Variants in LRBA observed in about 807,000 individuals in gnomAD.
LRBA encodes lipopolysaccharide-responsive and beige-like anchor protein.
A neutral mutation model predicts 330.0 loss-of-function variants in LRBA; 176 were observed. That is an observed-to-expected ratio of 0.53 (90% CI 0.47 to 0.60). The LOEUF is 0.60. Ranked by LOEUF, LRBA falls within the 20% of genes least tolerant of loss-of-function variation. The pLI is 0.00. For synonymous variants in LRBA, 1,230 were observed against 1,193.0 expected (o/e 1.03, Z -0.64); for missense variants, 3,259 against 3,444.8 (o/e 0.95, Z 1.35).
intron 2 of LRBA, among the ~76,000 whole-genome samples, chr4:150,942,671 A>G (rs967347320): frequency 2.0e-5 from 3 of 152,174 alleles, no homozygotes; most frequent in Non-Finnish European, 4.4e-5. Flanking sequence ...TCACAATCAT[A>G]TAAGATTTCC....
intron 17 of LRBA, among the ~76,000 whole-genome samples, chr4:150,886,856 T>C (rs906221818): frequency 3.9e-5 from 6 of 152,144 alleles, no homozygotes; most frequent in Non-Finnish European, 8.8e-5. Flanking sequence ...CTGTTTCTCA[T>C]AGGAAAACAC....
At chr4:150,916,341 A>G in intron 7 of LRBA, 60 bp downstream of exon 7, 1 of 1,539,016 alleles carries the variant, frequency 6.5e-7, no homozygotes, top group South Asian at 1.2e-5. Context: ...CATTAAAACA[A>G]AGCATTTTGA....
chr4:151,002,552 T>A, intron 2 of LRBA, among the ~76,000 whole-genome samples: 11 of 107,432 alleles, frequency 1.0e-4, no homozygotes, highest in East Asian at 2.7e-4. Context: ...GCAACAAGAG[T>A]GAAACTCCAT....
chr4:150,400,528 A>T (rs1410263347), intron 47 of LRBA, among the ~76,000 whole-genome samples: 1 of 152,194 alleles, frequency 6.6e-6, no homozygotes, highest in East Asian at 1.9e-4. Context: ...TAAAAATGAA[A>T]ACAAGAGGAT....
At chr4:150,388,756 T>C (rs1248235248) in intron 47 of LRBA, among the ~76,000 whole-genome samples, 1 of 152,176 alleles carries the variant, frequency 6.6e-6, no homozygotes, top group Non-Finnish European at 1.5e-5. Flanking sequence ...GGCAGGGACT[T>C]TATCATCAAC....
At chr4:150,620,223 A>G (rs887351076) in intron 37 of LRBA, among the ~76,000 whole-genome samples, 1 of 152,174 alleles carries the variant, frequency 6.6e-6, no homozygotes, top group Admixed American at 6.5e-5. Context: ...ATCACTAATC[A>G]TCACAGAAAT....
intron 2 of LRBA, among the ~76,000 whole-genome samples, chr4:150,946,833 G>A (rs933096011): frequency 4.6e-5 from 7 of 151,410 alleles, no homozygotes; most frequent in African/African-American, 9.7e-5. Context: ...ACAAACCTTG[G>A]CAGGACTTAA....
At chr4:150,354,228 A>G (rs1365459745) in intron 47 of LRBA, among the ~76,000 whole-genome samples, 1 of 152,158 alleles carries the variant, frequency 6.6e-6, no homozygotes, top group African/African-American at 2.4e-5. Context: ...TTTTTTATAT[A>G]TTAAGATTTT....
intron 35 of LRBA, among the ~76,000 whole-genome samples, chr4:150,743,023 A>C (rs190788944): frequency 6.6e-6 from 1 of 152,322 alleles, no homozygotes; most frequent in African/African-American, 2.4e-5. Flanking sequence ...GCTAGAGTAC[A>C]GTGACAGGAT....
At chr4:150,533,893 C>A (rs780494204) in intron 40 of LRBA, among the ~76,000 whole-genome samples, 3 of 152,204 alleles carry the variant, frequency 2.0e-5, no homozygotes, top group Admixed American at 6.5e-5. Flanking sequence ...CCACCACCTT[C>A]TGTTTTATGG....
intron 2 of LRBA, among the ~76,000 whole-genome samples, chr4:150,982,969 T>C (rs942562815): frequency 1.3e-5 from 2 of 152,134 alleles, no homozygotes; most frequent in African/African-American, 4.8e-5. Flanking sequence ...AGTCTGATGA[T>C]TTTTCCACTT....
chr4:150,342,856 T>C (rs1735770968), intron 48 of LRBA, among the ~76,000 whole-genome samples: 2 of 152,146 alleles, frequency 1.3e-5, no homozygotes, highest in South Asian at 4.1e-4. Flanking sequence ...AGTAAAAGTA[T>C]AGCTACTGAA....
rs1321472278 is a variant in LRBA, at chr4:151,008,338, C to G, written c.216+6089G>C. On this transcript the variant is annotated intron_variant, in intron 2 of 56. Transcript: ENST00000651943. ...TCAGGTGATCCACCTGCCTCAGCCT[C>G]TCAAAGTGCTGTGATTACAGGCATG... Among the ~76,000 whole-genome samples, 10 of 152,222 alleles carry G rather than the reference C, an allele frequency of 6.6e-5. No individual in the cohort carries two copies. The East Asian group carries it at 1.8e-3, about 27-fold the overall frequency.
At position 150,855,858 on chromosome 4, in the gene LRBA, T is replaced by C. The variant is rs779094834; in HGVS notation, c.2767-2915A>G. Reference sequence around the variant, plus strand: ...TAGCCAATTGTATTTTAAAGAGCAATACTGCCACACCTGAGCTCCCAAGAA... The same window carrying C: ...TAGCCAATTGTATTTTAAAGAGCAACACTGCCACACCTGAGCTCCCAAGAA... On this transcript the variant is annotated intron_variant, in intron 22 of 56. Coordinates refer to ENST00000651943, the MANE Select transcript of LRBA (RefSeq NM_001364905.1). 9.2e-5 allele frequency among the ~76,000 whole-genome samples: 14 copies of C among 152,278 alleles called. No homozygotes were observed. In the South Asian group the frequency reaches 2.3e-3, roughly 25 times the overall value.
At chr4:150,605,912 T>C (rs1402764626) in intron 37 of LRBA, among the ~76,000 whole-genome samples, 1 of 152,140 alleles carries the variant, frequency 6.6e-6, no homozygotes, top group African/African-American at 2.4e-5. Context: ...AACCCTTCAA[T>C]TGTGTGGATT....
chr4:150,714,595 G>A (rs1367067235), intron 36 of LRBA, among the ~76,000 whole-genome samples: 2 of 152,078 alleles, frequency 1.3e-5, no homozygotes, highest in Admixed American at 1.3e-4. Flanking sequence ...GGTGACTCTA[G>A]TTAATACCAA....
intron 30 of LRBA, among the ~76,000 whole-genome samples, chr4:150,824,056 T>A (rs1002121553): frequency 6.6e-6 from 1 of 152,200 alleles, no homozygotes; most frequent in Non-Finnish European, 1.5e-5. Flanking sequence ...ATTCTTCCAA[T>A]CCATGAATAT....
intron 37 of LRBA, among the ~76,000 whole-genome samples, chr4:150,660,586 G>T (rs1780939734): frequency 6.8e-6 from 1 of 147,736 alleles, no homozygotes. Flanking sequence ...AGCTCATTGA[G>T]AACGGGCCAG....
At chr4:150,503,299 C>G (rs1275041191) in intron 40 of LRBA, among the ~76,000 whole-genome samples, 1 of 152,068 alleles carries the variant, frequency 6.6e-6, no homozygotes, top group African/African-American at 2.4e-5. Flanking sequence ...TGGGAGGCAC[C>G]CCCCAGTAGG....
Sources: allele counts gnomAD v4.1 joint callset (sites outside exome capture counted in the v4.1 genomes callset), GRCh38; gene constraint gnomAD v4.1.1; transcripts MANE v1.5; gene names NCBI Gene and HGNC (gene_info 2026-07-23, HGNC 2026-07-21).